Variants in SRP72 observed in about 807,000 individuals in gnomAD.
SRP72 encodes signal recognition particle subunit SRP72.
In SRP72, 49 loss-of-function variants were observed where a neutral mutation model predicts 96.3. That is an observed-to-expected ratio of 0.51 (90% CI 0.40 to 0.65). The LOEUF (loss-of-function observed/expected upper bound fraction) is 0.65. SRP72 is among the 30% of genes least tolerant of loss of function. SRP72 has a pLI of 0.00. For synonymous variants in SRP72, 267 were observed against 275.2 expected, an observed-to-expected ratio of 0.97 and a Z score of 0.30; for missense variants, 736 against 793.3, an observed-to-expected ratio of 0.93 and a Z score of 0.87.
In SRP72 at chr4:56,491,441, C is replaced by T; in HGVS notation, c.1513C>T (p.His505Tyr). The change falls in exon 16 of 19, where the codon CAC becomes TAC. Residue 505 changes from histidine to tyrosine, a missense_variant. His to Tyr is a moderately conservative substitution (Grantham distance 83, BLOSUM62 2). This residue lies in a region of SRP72 where 388 missense variants were observed against 431.8 expected (regional missense o/e 0.90). Transcript: ENST00000642900. The stretch of plus-strand genomic sequence containing the variant: ...CCTGTTCTATCACAGTCTTAGTAAA[C>T]ACTTGCCATCGTCAGATAGTATGTC... ...DPEKAKALSK[H>Y]LPSSDSMSLK... 6.2e-7 allele frequency: 1 copy of T among 1,613,606 alleles called. No individual in the cohort carries two copies. The highest frequency in any genetic ancestry group is 8.5e-7 in the Non-Finnish European group (1 of 1,179,776).
chr4:56,470,533 G>A (rs1314527620), intron 2 of SRP72, among the ~76,000 whole-genome samples: 5 of 129,412 alleles, frequency 3.9e-5, no homozygotes, highest in Admixed American at 1.7e-4. Context: ...GGGAGACTCC[G>A]TCTCAAAAAA....
At chr4:56,478,136 A>G (rs1213238926) in intron 6 of SRP72, among the ~76,000 whole-genome samples, 1 of 149,448 alleles carries the variant, frequency 6.7e-6, no homozygotes, top group Non-Finnish European at 1.5e-5. Flanking sequence ...ATGTTCTTCT[A>G]GGATCTTTTT....
intron 17 of SRP72, chr4:56,500,322 A>C: frequency 2.2e-6 from 1 of 451,190 alleles, no homozygotes; most frequent in Admixed American, 3.6e-5. Flanking sequence ...CTATGTAACA[A>C]ACCTGCACGT....
At chr4:56,471,153 T>C (rs1719958525) in intron 2 of SRP72, among the ~76,000 whole-genome samples, 1 of 152,206 alleles carries the variant, frequency 6.6e-6, no homozygotes, top group African/African-American at 2.4e-5. Flanking sequence ...AGCCTTTGCT[T>C]TGATAAATAT....
In SRP72 at chr4:56,467,688, T is replaced by C; in HGVS notation, c.53T>C (p.Val18Ala). The C allele has an allele frequency of 6.4e-7, 1 of 1,565,796 alleles. No homozygotes were observed. The highest frequency in any genetic ancestry group is 1.2e-5 in the South Asian group (1 of 85,860). The change falls in exon 1 of 19, where the codon GTG becomes GCG. Residue 18 changes from valine to alanine, a missense_variant. Coordinates refer to ENST00000642900, the MANE Select transcript of SRP72 (RefSeq NM_006947.4). ...TCAGTACCTGCGCTGTGGAGTGAAG[T>C]GAACCGGTATGGCCAGAACGGCGAC... The part of the protein sequence containing the change: ...GVSVPALWSE[V>A]NRYGQNGDFT...
At chr4:56,489,232 A>G (rs1305748683) in intron 12 of SRP72, 156 bp from the exon 13 acceptor site, 3 of 423,630 alleles carry the variant, frequency 7.1e-6, no homozygotes, top group Admixed American at 4.1e-5. Flanking sequence ...TTCTAGAAGT[A>G]AAGTTAACTA....
intron 16 of SRP72, among the ~76,000 whole-genome samples, chr4:56,494,877 C>T (rs1166139815): frequency 2.0e-5 from 3 of 152,082 alleles, no homozygotes; most frequent in South Asian, 2.1e-4. Context: ...GTCTTCCATC[C>T]GTGTCTACCC....
At chr4:56,476,790 T>C (rs903701566) in intron 6 of SRP72, 88 bp downstream of exon 6, 4 of 1,367,058 alleles carry the variant, frequency 2.9e-6, no homozygotes, top group Non-Finnish European at 4.1e-6. Flanking sequence ...TATTGACTTT[T>C]TTTAGAAGAT....
intron 8 of SRP72, among the ~76,000 whole-genome samples, chr4:56,480,913 CA>C (rs933973298): frequency 2.0e-5 from 3 of 150,766 alleles, no homozygotes; most frequent in Non-Finnish European, 4.4e-5. Flanking sequence ...AGCAACAGCA[CA>C]AAAAAAAGTA....
intron 8 of SRP72, among the ~76,000 whole-genome samples, chr4:56,480,704 G>T (rs1001475595): frequency 6.6e-6 from 1 of 152,178 alleles, no homozygotes; most frequent in African/African-American, 2.4e-5. Context: ...AGTACTGGAT[G>T]CAATAGGTAA....
At chr4:56,469,852 A>T in intron 2 of SRP72, 79 bp downstream of exon 2, 1 of 1,310,826 alleles carries the variant, frequency 7.6e-7, no homozygotes. Context: ...TTTTTTCCCA[A>T]CTATTTGCTG....
intron 1 of SRP72, among the ~76,000 whole-genome samples, 193 bp downstream of exon 1, chr4:56,467,937 G>T (rs961481775): frequency 4.6e-5 from 7 of 152,338 alleles, no homozygotes; most frequent in Non-Finnish European, 7.4e-5. Context: ...CACCAGGCCA[G>T]CCTGGGGTCC....
At position 56,502,474 on chromosome 4, in the gene SRP72, T is replaced by C. The variant is rs1721294332; in HGVS notation, c.*613T>C. ...GGGATACTTTTCATGTTTATATATA[T>C]ATATATATGTATATATATATACATA... is the stretch of plus-strand genomic sequence containing the variant. On this transcript the variant is annotated 3_prime_UTR_variant, in exon 19 of 19. Coordinates refer to ENST00000642900, the MANE Select transcript of SRP72 (RefSeq NM_006947.4). The C allele has an allele frequency of 9.8e-6, 1 of 102,368 alleles. No individual in the cohort carries two copies. Among genetic ancestry groups the C allele is most frequent in the Admixed American group, 1.1e-4 (1 of 9,408 alleles). 6.3% of individuals were successfully genotyped at this position (102,368 alleles called of 1,614,324 possible).
Position 56,469,772 on chromosome 4 carries a change from A to G in SRP72, c.229A>G (p.Asn77Asp). Residue 77 changes from asparagine (N) to aspartate (D), a missense_variant and splice_region_variant, in exon 2 of 19, where the codon AAT becomes GAT. Physicochemically the swap from Asn to Asp is conservative, Grantham distance 23. This residue lies in a region of SRP72 where 329 missense variants were observed against 319.0 expected (regional missense o/e 1.03). Coordinates refer to ENST00000642900, the MANE Select transcript of SRP72 (RefSeq NM_006947.4). ...CAATACTCACACCAAAGTGTTAGCC[A>G]AGTAAGTGATTCAGTTAGTTGCTTG... Reference protein sequence around the residue: ...VINTHTKVLANNSLSFEKAYC... With the variant: ...VINTHTKVLADNSLSFEKAYC... 6.2e-7 allele frequency: 1 copy of G among 1,604,646 alleles called. No individual in the cohort carries two copies. The highest frequency in any genetic ancestry group is 8.5e-7 in the Non-Finnish European group (1 of 1,173,104).
At chr4:56,478,256 T>C (rs1352966230) in intron 6 of SRP72, 123 bp from the exon 7 acceptor site, 18 of 958,506 alleles carry the variant, frequency 1.9e-5, no homozygotes, top group Non-Finnish European at 2.6e-5. Flanking sequence ...GAACTGACTC[T>C]AAGGGAAAAT....
At chr4:56,468,984 G>A (rs1289041823) in intron 1 of SRP72, among the ~76,000 whole-genome samples, 2 of 152,144 alleles carry the variant, frequency 1.3e-5, no homozygotes, top group Non-Finnish European at 2.9e-5. Flanking sequence ...TGTTAGCGTT[G>A]AAACTTGCCA....
intron 15 of SRP72, 62 bp downstream of exon 15, chr4:56,490,707 C>A: frequency 7.1e-7 from 1 of 1,400,012 alleles, no homozygotes; most frequent in Non-Finnish European, 9.9e-7. Context: ...CTTCTGATAT[C>A]TGTGTTTTGA....
chr4:56,501,791 C>A lies in SRP72; in HGVS notation c.1946C>A (p.Pro649His), dbSNP rs1365532613. The part of the protein sequence containing the change: ...SNIIPPRHQK[P>H]AGAPATKKKQ... Reference sequence around the variant, plus strand: ...ATCATACCCCCAAGACACCAGAAACCTGCAGGGGCTCCAGCAACAAAAAAG... The same window carrying A: ...ATCATACCCCCAAGACACCAGAAACATGCAGGGGCTCCAGCAACAAAAAAG... The change falls in exon 19 of 19, where the codon CCT becomes CAT. Residue 649 changes from proline to histidine, a missense_variant. Physicochemically the swap from Pro to His is moderately conservative, Grantham distance 77. Around this residue, in one of 3 missense-constraint regions of SRP72, gnomAD observed 388 missense variants for 431.8 expected, o/e 0.90. Transcript: ENST00000642900. 1 of 1,614,020 alleles carries A rather than the reference C, an allele frequency of 6.2e-7. No individual in the cohort carries two copies. Among genetic ancestry groups the A allele is most frequent in the Non-Finnish European group, 8.5e-7 (1 of 1,179,994 alleles).
intron 16 of SRP72, among the ~76,000 whole-genome samples, chr4:56,492,712 C>T (rs753548083): frequency 6.6e-6 from 1 of 152,136 alleles, no homozygotes; most frequent in Non-Finnish European, 1.5e-5. Context: ...TACATTGTTC[C>T]GAATTCCATT....
Sources: allele counts gnomAD v4.1 joint callset (sites outside exome capture counted in the v4.1 genomes callset), GRCh38; gene constraint gnomAD v4.1.1; regional missense constraint gnomAD v4.1.1; transcripts MANE v1.5; gene names NCBI Gene and HGNC (gene_info 2026-07-23, HGNC 2026-07-21).